Variants in OR7E24 observed in about 807,000 individuals in gnomAD.
OR7E24 encodes olfactory receptor 7E24.
For missense variants in OR7E24, 385 were observed against 410.3 expected (o/e 0.94, Z 0.53); for synonymous variants, 130 against 157.5 (o/e 0.83, Z 1.31).
At chr19:9,221,699 T>C in the OR7E24 span, among the ~76,000 whole-genome samples, 17 of 152,130 alleles carry the variant, frequency 1.1e-4, no homozygotes, top group African/African-American at 4.1e-4. Context: ...ACTGAGTTGT[T>C]TGAGCTTCTT....
At chr19:9,238,330 G>A in the OR7E24 span, among the ~76,000 whole-genome samples, 10 of 152,162 alleles carry the variant, frequency 6.6e-5, no homozygotes, top group African/African-American at 2.2e-4. Context: ...GTCTCATTGT[G>A]CTCTTGATTT....
the OR7E24 span, among the ~76,000 whole-genome samples, chr19:9,237,411 T>C: frequency 2.2e-4 from 34 of 152,124 alleles, no homozygotes; most frequent in African/African-American, 7.9e-4. Context: ...CCCGGGTTCA[T>C]GCCATTCTCT....
chr19:9,223,619 A>G, the OR7E24 span, among the ~76,000 whole-genome samples: 4 of 150,366 alleles, frequency 2.7e-5, no homozygotes, highest in East Asian at 2.0e-4. Flanking sequence ...TTTTCTATAC[A>G]CCCCTTTTTC....
chr19:9,246,469 T>G (rs937839948), upstream of OR7E24, among the ~76,000 whole-genome samples: 20 of 85,240 alleles, frequency 2.3e-4, 1 homozygote, highest in East Asian at 2.5e-3. Context: ...AAAGGTATTG[T>G]GTGTGTGTGT....
At chr19:9,235,618 C>T in the OR7E24 span, 1 of 1,573,910 alleles carries the variant, frequency 6.4e-7, no homozygotes, top group Non-Finnish European at 8.7e-7. Flanking sequence ...CTCCCTGGTT[C>T]ATATTCTACT....
chr19:9,211,819 G>A, the OR7E24 span: 1 of 148,468 alleles, frequency 6.7e-6, no homozygotes, highest in East Asian at 2.0e-4. Context: ...TTCTTCTCAT[G>A]GAAGGCCTGC....
At chr19:9,212,338 T>C in the OR7E24 span, 1 of 152,104 alleles carries the variant, frequency 6.6e-6, no homozygotes, top group Non-Finnish European at 1.5e-5. Flanking sequence ...ACCTGAGTTT[T>C]ATTTCAAAGA....
At chr19:9,239,516 A>G in the OR7E24 span, among the ~76,000 whole-genome samples, 4 of 151,944 alleles carry the variant, frequency 2.6e-5, no homozygotes, top group African/African-American at 9.7e-5. Context: ...GTACAAGGTG[A>G]TATGTCATTG....
chr19:9,250,945 T>A lies in OR7E24; in HGVS notation c.-99T>A. 1.1e-6 allele frequency: 1 copy of A among 891,906 alleles called. No individual in the cohort carries two copies. The highest frequency in any genetic ancestry group is 1.7e-6 in the Non-Finnish European group (1 of 590,506). 55.2% of individuals were successfully genotyped at this position (891,906 alleles called of 1,614,324 possible). A position where few individuals can be genotyped will look rare whatever the true frequency, so the allele number is the denominator to read the frequency against. On this transcript the variant is annotated 5_prime_UTR_variant, in exon 1 of 1. Transcript: ENST00000456448. The stretch of plus-strand genomic sequence containing the variant: ...CTAAGGAAATTGGGTTTGTCACAAC[T>A]GAGAACTATTGCTGAGGGTGTATAA...
the OR7E24 span, chr19:9,211,110 T>C: frequency 2.6e-5 from 4 of 152,304 alleles, no homozygotes; most frequent in Non-Finnish European, 5.9e-5. Flanking sequence ...CCTCTGTTGC[T>C]CTGTCCCTTG....
At chr19:9,247,044 A>C (rs948744694), upstream of OR7E24, among the ~76,000 whole-genome samples, 4 of 152,234 alleles carry the variant, frequency 2.6e-5, no homozygotes, top group African/African-American at 7.2e-5. Flanking sequence ...TTATATGTAT[A>C]ATTTTAACAT....
At chr19:9,246,577 A>C (rs1599233139), upstream of OR7E24, among the ~76,000 whole-genome samples, 1 of 151,408 alleles carries the variant, frequency 6.6e-6, no homozygotes, top group East Asian at 2.0e-4. Context: ...GTTATTCACA[A>C]TAGCTAAATA....
chr19:9,252,108 C>T lies in OR7E24; in HGVS notation c.*45C>T. On this transcript the variant is annotated 3_prime_UTR_variant, in exon 1 of 1. Coordinates refer to ENST00000456448, the MANE Select transcript of OR7E24 (RefSeq NM_001079935.2). Reference sequence around the variant, plus strand: ...CACCTAGGCCTGCAAATTCTGCCTCCTTGGTCACATTATTTTGGTTGCTTG... The same window carrying T: ...CACCTAGGCCTGCAAATTCTGCCTCTTTGGTCACATTATTTTGGTTGCTTG... 1 of 1,533,180 alleles carries T rather than the reference C, an allele frequency of 6.5e-7. No homozygotes were observed. Among genetic ancestry groups the T allele is most frequent in the Non-Finnish European group, 8.9e-7 (1 of 1,125,908 alleles). 95.0% of individuals were successfully genotyped at this position (1,533,180 alleles called of 1,614,324 possible). A position where few individuals can be genotyped will look rare whatever the true frequency, so the allele number is the denominator to read the frequency against.
chr19:9,209,110 ATGTTTGGAT>A, the OR7E24 span: 2 of 152,144 alleles, frequency 1.3e-5, no homozygotes, highest in Non-Finnish European at 2.9e-5. Context: ...GTGATGGGAA[ATGTTTGGAT>A]TGTTTGGATG....
the OR7E24 span, chr19:9,208,567 A>C: frequency 6.6e-6 from 1 of 152,064 alleles, no homozygotes; most frequent in Non-Finnish European, 1.5e-5. Context: ...AAATAATTTC[A>C]GGGTTTTCTT....
upstream of OR7E24, among the ~76,000 whole-genome samples, chr19:9,246,133 G>A (rs144605064): frequency 0.016 from 1,854 of 117,286 alleles, 40 homozygotes; most frequent in African/African-American, 0.057. Context: ...GCAGTGGCGC[G>A]ATCTCAGCTC....
chr19:9,221,985 G>C, the OR7E24 span, among the ~76,000 whole-genome samples: 1 of 152,048 alleles, frequency 6.6e-6, no homozygotes, highest in Non-Finnish European at 1.5e-5. Context: ...ATTTTGAATG[G>C]ATTTTCGTAT....
At chr19:9,243,198 G>T (rs145930411), upstream of OR7E24, among the ~76,000 whole-genome samples, 489 of 152,086 alleles carry the variant, frequency 3.2e-3, no homozygotes, top group African/African-American at 0.01. Flanking sequence ...TGGTGTCAGG[G>T]TTCATCCCAC....
upstream of OR7E24, among the ~76,000 whole-genome samples, chr19:9,248,930 C>T (rs1000683558): frequency 6.6e-6 from 1 of 152,208 alleles, no homozygotes; most frequent in Non-Finnish European, 1.5e-5. Context: ...TGCCCCTGAT[C>T]TGTGTGACAA....
Sources: allele counts gnomAD v4.1 joint callset (sites outside exome capture counted in the v4.1 genomes callset), GRCh38; gene constraint gnomAD v4.1.1; transcripts MANE v1.5; gene names NCBI Gene and HGNC (gene_info 2026-07-23, HGNC 2026-07-21).